The following GLI2 variants were observed in gnomAD, a reference collection of about 807,000 sequenced individuals.
GLI2 encodes the protein GLI family zinc finger 2, also known as transcription activator GLI2.
In GLI2, 22 loss-of-function variants were observed where a neutral mutation model predicts 78.9. The ratio of observed to expected loss-of-function variants is 0.28; its 90% CI spans 0.20 to 0.40. GLI2 has a LOEUF of 0.40. GLI2 is among the 10% of genes least tolerant of loss of function. GLI2 has a pLI of 1.00. For missense variants in GLI2, 2,097 were observed against 2,213.2 expected, an observed-to-expected ratio of 0.95 and a Z score of 1.05; for synonymous variants, 974 against 963.7, an observed-to-expected ratio of 1.01 and a Z score of -0.20.
chr2:120,989,507 T>C lies in GLI2; in HGVS notation c.3542T>C (p.Leu1181Pro). The C allele has an allele frequency of 6.2e-7, 1 of 1,612,052 alleles. No individual in the cohort carries two copies. Among genetic ancestry groups the C allele is most frequent in the Non-Finnish European group, 8.5e-7 (1 of 1,179,648 alleles). ...PQGLQASPGG[L>P]DSTQPHLQPR... ...GGCCTACAGGCTAGCCCTGGGGGCCTGGACAGCACGCAGCCACACCTGCAG... is the reference window on the plus strand; with the variant it reads ...GGCCTACAGGCTAGCCCTGGGGGCCCGGACAGCACGCAGCCACACCTGCAG... The change falls in exon 14 of 14, where the codon CTG (leucine) becomes CCG (proline). Residue 1181 changes from leucine to proline, a missense_variant. Transcript: ENST00000361492.
intron 3 of GLI2, among the ~76,000 whole-genome samples, chr2:120,938,951 A>AC (rs11439119): frequency 0.87 from 131,655 of 152,156 alleles, 59,717 homozygotes; most frequent in East Asian, 1. Flanking sequence ...TTTTAAAAAA[A>AC]AAATTGGTCT....
At position 120,816,924 on chromosome 2, in the gene GLI2, C is replaced by A. The variant is rs1434602644; in HGVS notation, c.148+19456C>A. On this transcript the variant is annotated intron_variant, in intron 2 of 13. Transcript: ENST00000361492. ...ATCTGAAACAGATCAAAGGCCTTCC[C>A]ATGCTGTTGGTTAAAATCCATGGGT... Among the ~76,000 whole-genome samples the A allele has an allele frequency of 2.0e-5, 3 of 152,200 alleles. No individual in the cohort carries two copies. The East Asian group carries it at 5.8e-4, about 29-fold the overall frequency.
chr2:120,981,534 A>T (rs1207090784), intron 10 of GLI2, among the ~76,000 whole-genome samples: 1 of 152,172 alleles, frequency 6.6e-6, no homozygotes, highest in African/African-American at 2.4e-5. Flanking sequence ...TAACATCCTC[A>T]GTAGTGGCAA....
Position 120,854,571 on chromosome 2 carries a change from G to T in GLI2, c.148+57103G>T, listed in dbSNP as rs530625752. Reference sequence around the variant, plus strand: ...CTGAGGGGCTACAGCTGCAGAAGGGGTCGTGTTTCATGTCACCCATTATAT... The same window carrying T: ...CTGAGGGGCTACAGCTGCAGAAGGGTTCGTGTTTCATGTCACCCATTATAT... On this transcript the variant is annotated intron_variant, in intron 2 of 13. Transcript: ENST00000361492. 7.9e-5 allele frequency among the ~76,000 whole-genome samples: 12 copies of T among 152,346 alleles called. No individual in the cohort carries two copies. In the East Asian group the frequency reaches 2.3e-3, roughly 29 times the overall value.
chr2:120,743,977 C>T (rs186608134), intron 1 of GLI2, among the ~76,000 whole-genome samples: 2 of 152,358 alleles, frequency 1.3e-5, no homozygotes, highest in Admixed American at 6.5e-5. Context: ...TCTTCTTAGC[C>T]AGCCGCTGTG....
At chr2:120,919,444 G>A (rs1038853209) in intron 2 of GLI2, among the ~76,000 whole-genome samples, 2 of 152,242 alleles carry the variant, frequency 1.3e-5, no homozygotes, top group Admixed American at 6.5e-5. Flanking sequence ...CTTTGTGTGC[G>A]AGTGCTGGCC....
chr2:120,848,043 T>G (rs373681823), intron 2 of GLI2, among the ~76,000 whole-genome samples: 1 of 152,146 alleles, frequency 6.6e-6, no homozygotes, highest in Admixed American at 6.5e-5. Context: ...GGTGGCGGCC[T>G]CCCTCAGAAG....
chr2:120,905,484 G>T (rs1362793492), intron 2 of GLI2, among the ~76,000 whole-genome samples: 1 of 152,180 alleles, frequency 6.6e-6, no homozygotes, highest in Non-Finnish European at 1.5e-5. Flanking sequence ...AGAGAGGTTG[G>T]GTGATCTGCC....
chr2:120,971,370 C>T (rs917410188), intron 7 of GLI2, among the ~76,000 whole-genome samples: 2 of 152,242 alleles, frequency 1.3e-5, no homozygotes, highest in African/African-American at 4.8e-5. Flanking sequence ...CTGGATGTGG[C>T]TACACCCTTG....
chr2:120,802,246 C>G (rs918148775), intron 2 of GLI2, among the ~76,000 whole-genome samples: 1 of 152,152 alleles, frequency 6.6e-6, no homozygotes, highest in Non-Finnish European at 1.5e-5. Flanking sequence ...CCAGAATATG[C>G]GTGAGAAATA....
At chr2:120,785,637 C>T (rs1253719210) in intron 1 of GLI2, among the ~76,000 whole-genome samples, 2 of 152,332 alleles carry the variant, frequency 1.3e-5, no homozygotes, top group African/African-American at 2.4e-5. Flanking sequence ...CTGCCCCAAG[C>T]CCAGCACCAC....
At chr2:120,798,230 G>A (rs561065175) in intron 2 of GLI2, among the ~76,000 whole-genome samples, 159 of 152,368 alleles carry the variant, frequency 1.0e-3, no homozygotes, top group Middle Eastern at 3.4e-3. Flanking sequence ...AGCAGGCAGG[G>A]AAGAGAATGC....
In GLI2 at chr2:120,986,608, G is replaced by C; in HGVS notation, c.2236G>C (p.Gly746Arg). 6.2e-7 allele frequency: 1 copy of C among 1,613,950 alleles called. No individual in the cohort carries two copies. Among genetic ancestry groups the C allele is most frequent in the Non-Finnish European group, 8.5e-7 (1 of 1,179,918 alleles). The change falls in exon 13 of 14, where the codon GGA becomes CGA. Residue 746 changes from glycine (G) to arginine (R), a missense_variant. Coordinates refer to ENST00000361492, the MANE Select transcript of GLI2 (RefSeq NM_001374353.1). Reference sequence around the variant, plus strand: ...GAACACCAAGCTGCCTCCCCTCCCGGGAAGTGGTGAGTAAAGGCCTGGGGT... The same window carrying C: ...GAACACCAAGCTGCCTCCCCTCCCGCGAAGTGGTGAGTAAAGGCCTGGGGT... ...TRNTKLPPLPGSGSILENFSG... is the reference protein window; with the variant it reads ...TRNTKLPPLPRSGSILENFSG...
intron 3 of GLI2, among the ~76,000 whole-genome samples, chr2:120,936,482 G>A (rs1192043988): frequency 3.9e-5 from 6 of 152,162 alleles, no homozygotes; most frequent in Non-Finnish European, 7.3e-5. Flanking sequence ...AGAACTGGGC[G>A]TTCCCAGAAT....
At chr2:120,853,831 G>A (rs1015912124) in intron 2 of GLI2, among the ~76,000 whole-genome samples, 3 of 152,140 alleles carry the variant, frequency 2.0e-5, no homozygotes, top group African/African-American at 7.2e-5. Flanking sequence ...TGAATGGCAT[G>A]GTTACAGGTG....
intron 3 of GLI2, among the ~76,000 whole-genome samples, chr2:120,943,785 G>A (rs78196287): frequency 0.025 from 3,744 of 152,298 alleles, 162 homozygotes; most frequent in African/African-American, 0.086. Context: ...GGGACAGCCC[G>A]CCCTGATGGC....
At chr2:120,777,581 A>C (rs1683720171) in intron 1 of GLI2, among the ~76,000 whole-genome samples, 1 of 149,480 alleles carries the variant, frequency 6.7e-6, no homozygotes. Context: ...CTCTGCAGAC[A>C]TTGCCTCTGG....
chr2:120,770,131 G>A (rs180874841), intron 1 of GLI2, among the ~76,000 whole-genome samples: 6 of 152,258 alleles, frequency 3.9e-5, no homozygotes, highest in East Asian at 1.9e-4. Flanking sequence ...ATAGCTTGGC[G>A]GCTCCTAGAA....
intron 2 of GLI2, among the ~76,000 whole-genome samples, chr2:120,821,978 C>A (rs1685799135): frequency 1.3e-5 from 2 of 152,332 alleles, no homozygotes; most frequent in Non-Finnish European, 2.9e-5. Context: ...GGGATGCCAC[C>A]AGGCTGCTTG....
Sources: gnomAD v4.1 joint callset for allele counts (sites outside exome capture counted in the v4.1 genomes callset) on GRCh38, gnomAD v4.1.1 for gene constraint, MANE v1.5 for transcripts, NCBI Gene and HGNC (gene_info 2026-07-23, HGNC 2026-07-21) for gene names.